PLPP1: variants seen among roughly 807,000 people sequenced by gnomAD.
PLPP1 encodes lipid phosphate phosphohydrolase 1a.
A neutral mutation model predicts 31.2 loss-of-function variants in PLPP1; 24 were observed. The observed-to-expected ratio is 0.77, with a 90% CI of 0.56 to 1.08. The LOEUF is 1.08. PLPP1 is among the 50% of genes least tolerant of loss of function. The pLI is 0.00. For synonymous variants in PLPP1, 146 were observed against 126.3 expected (o/e 1.16, Z -1.05); for missense variants, 319 against 342.7 (o/e 0.93, Z 0.55).
chr5:55,477,845 T>C (rs1218574677), intron 1 of PLPP1, among the ~76,000 whole-genome samples: 1 of 152,106 alleles, frequency 6.6e-6, no homozygotes, highest in Admixed American at 6.6e-5. Flanking sequence ...ACAGGTGTGG[T>C]GGCATGCACC....
Position 55,467,994 on chromosome 5 carries a change from T to G in PLPP1, c.366A>C (p.Ser122=). 1 of 1,614,180 alleles carries G rather than the reference T, an allele frequency of 6.2e-7. No individual in the cohort carries two copies. The highest frequency in any genetic ancestry group is 2.2e-5 in the East Asian group (1 of 44,880). Residue 122 remains serine, a synonymous_variant, in exon 3 of 6, where the codon TCA becomes TCC. Transcript: ENST00000307259. ...SQSLTDIAKY[S]IGRLRPHFLD... The stretch of plus-strand genomic sequence containing the variant: ...AGAAGTGAGGCCGCAGTCTGCCTAT[T>G]GAATACTTGGCAATGTCAGTCAGGG...
In PLPP1 at chr5:55,475,385, C is replaced by A. The variant is rs909967499; in HGVS notation, c.124G>T (p.Asp42Tyr). The A allele has an allele frequency of 6.2e-7, 1 of 1,612,514 alleles. No homozygotes were observed. The highest frequency in any genetic ancestry group is 1.3e-5 in the African/African-American group (1 of 74,872). ...TTGTAAGGGTACTTGATGGACTCATCATTACAGAATACTCCTCGTTGGAAG... is the reference window on the plus strand; with the variant it reads ...TTGTAAGGGTACTTGATGGACTCATAATTACAGAATACTCCTCGTTGGAAG... ...TPFQRGVFCN[D>Y]ESIKYPYKED... is the part of the protein sequence containing the mutation. Residue 42 changes from aspartate (D) to tyrosine (Y), a missense_variant, in exon 2 of 6, where the codon GAT (aspartate) becomes TAT (tyrosine). Coordinates refer to ENST00000307259, the MANE Select transcript of PLPP1 (RefSeq NM_003711.4).
Position 55,484,606 on chromosome 5 carries a change from A to G in PLPP1, c.59-9156T>C, listed in dbSNP as rs890130477. 6.6e-5 allele frequency: 10 copies of G among 152,340 alleles called. 1 individual carries two copies. Among genetic ancestry groups the G allele is most frequent in the Admixed American group, 3.9e-4 (6 of 15,294 alleles). The allele number at this position is 152,340 out of a possible 1,614,324, so 9.4% of individuals were successfully genotyped here. A position where few individuals can be genotyped will look rare whatever the true frequency, so the allele number is the denominator to read the frequency against. On this transcript the variant is annotated intron_variant, in intron 1 of 5. Coordinates refer to ENST00000307259, the MANE Select transcript of PLPP1 (RefSeq NM_003711.4). ...GTAAAAAATACAGAGACTGGGGTCT[A>G]TAACAAAGAATGTGGCCTTTGTCCC... is the stretch of plus-strand genomic sequence containing the variant.
At chr5:55,516,451 A>G (rs1473630149) in intron 1 of PLPP1, among the ~76,000 whole-genome samples, 1 of 152,074 alleles carries the variant, frequency 6.6e-6, no homozygotes, top group Non-Finnish European at 1.5e-5. Flanking sequence ...TTCATTTTTC[A>G]TATTTATTTG....
chr5:55,438,717 C>T (rs1015062441), intron 4 of PLPP1, among the ~76,000 whole-genome samples: 1 of 152,010 alleles, frequency 6.6e-6, no homozygotes, highest in African/African-American at 2.4e-5. Flanking sequence ...CTGGCTAACA[C>T]GGTAAAACCC....
At chr5:55,530,538 G>T in intron 1 of PLPP1, 1 of 1,221,358 alleles carries the variant, frequency 8.2e-7, no homozygotes, top group Non-Finnish European at 1.2e-6. Context: ...CTGAAAGTTT[G>T]GAATGATAGA....
At chr5:55,530,191 TTTGACA>T in intron 1 of PLPP1, 2 of 1,339,862 alleles carry the variant, frequency 1.5e-6, no homozygotes, top group Non-Finnish European at 2.1e-6. Flanking sequence ...TCAACAGCAG[TTTGACA>T]TTGAGTTTCT....
At chr5:55,437,868 ACAT>A (rs1352873971) in intron 4 of PLPP1, among the ~76,000 whole-genome samples, 3 of 152,250 alleles carry the variant, frequency 2.0e-5, no homozygotes, top group Non-Finnish European at 4.4e-5. Flanking sequence ...AGTTTGGAAA[ACAT>A]CACGAAGTAT....
At chr5:55,480,327 C>T (rs919983859) in intron 1 of PLPP1, among the ~76,000 whole-genome samples, 5 of 151,678 alleles carry the variant, frequency 3.3e-5, no homozygotes, top group Non-Finnish European at 7.4e-5. Context: ...TTCATCCATT[C>T]TAAGTATACA....
At chr5:55,515,904 G>A (rs953217682) in intron 1 of PLPP1, among the ~76,000 whole-genome samples, 1 of 151,922 alleles carries the variant, frequency 6.6e-6, no homozygotes, top group African/African-American at 2.4e-5. Flanking sequence ...CCATTCCTCT[G>A]AGCTCTAGAA....
intron 2 of PLPP1, among the ~76,000 whole-genome samples, chr5:55,468,477 C>A (rs183721656): frequency 1.4e-4 from 21 of 151,882 alleles, no homozygotes; most frequent in Admixed American, 1.1e-3. Context: ...AGTGATATAT[C>A]CTGGAGGACA....
chr5:55,511,282 C>T (rs1753400456), intron 1 of PLPP1, among the ~76,000 whole-genome samples: 1 of 152,104 alleles, frequency 6.6e-6, no homozygotes, highest in Non-Finnish European at 1.5e-5. Flanking sequence ...CCAAGGTTTG[C>T]CAAAGTTTCC....
chr5:55,530,512 C>A, intron 1 of PLPP1: 1 of 1,199,422 alleles, frequency 8.3e-7, no homozygotes, highest in South Asian at 1.2e-5. Context: ...CTGTTCCCTA[C>A]TGAATCTTCA....
intron 1 of PLPP1, 105 bp downstream of exon 1, chr5:55,534,467 T>G (rs2292280): frequency 0.88 from 1,057,062 of 1,197,958 alleles, 467,407 homozygotes; most frequent in Admixed American, 0.92. Context: ...GCCCCACAGC[T>G]GCGCACGCGT....
rs139602570 is a variant in PLPP1 at position 55,512,589 on chromosome 5, T to A, written c.58+21983A>T. On this transcript the variant is annotated intron_variant, in intron 1 of 5. Coordinates refer to ENST00000307259, the MANE Select transcript of PLPP1 (RefSeq NM_003711.4). The stretch of plus-strand genomic sequence containing the variant: ...GAAAGAAAGAAAGGTAACATAAAAC[T>A]TACTAATGACAGTATTCCATATCAT... 2.9e-3 allele frequency among the ~76,000 whole-genome samples: 435 copies of A among 151,572 alleles called. 3 individuals are homozygous for A. Among genetic ancestry groups the A allele is most frequent in the African/African-American group, 9.6e-3 (394 of 41,180 alleles).
intron 4 of PLPP1, among the ~76,000 whole-genome samples, chr5:55,438,357 GT>G (rs1751543516): frequency 6.6e-6 from 1 of 152,226 alleles, no homozygotes; most frequent in Admixed American, 6.5e-5. Context: ...GCACAGTTAA[GT>G]GTGCAGGGCT....
chr5:55,440,182 C>T (rs1751590468), intron 4 of PLPP1, among the ~76,000 whole-genome samples: 1 of 152,194 alleles, frequency 6.6e-6, no homozygotes, highest in African/African-American at 2.4e-5. Context: ...GGGACTTGGA[C>T]ACTAACACAG....
At chr5:55,527,550 C>A (rs575566899) in intron 1 of PLPP1, among the ~76,000 whole-genome samples, 1 of 152,272 alleles carries the variant, frequency 6.6e-6, no homozygotes, top group African/African-American at 2.4e-5. Context: ...ACGGAAGCTA[C>A]CTCAAATCTG....
intron 1 of PLPP1, among the ~76,000 whole-genome samples, chr5:55,487,352 G>A (rs1335255262): frequency 6.7e-6 from 1 of 150,358 alleles, no homozygotes; most frequent in Non-Finnish European, 1.5e-5. Flanking sequence ...ATTACCAAGG[G>A]AGAAGGTAGA....
Sources: allele counts gnomAD v4.1 joint callset (sites outside exome capture counted in the v4.1 genomes callset), GRCh38; gene constraint gnomAD v4.1.1; transcripts MANE v1.5; gene names NCBI Gene and HGNC (gene_info 2026-07-23, HGNC 2026-07-21).